Variants in HNF1A observed in about 807,000 individuals in gnomAD.
HNF1A encodes HNF1 homeobox A, also known as hepatocyte nuclear factor 1-alpha.
Under a neutral mutation model 62.2 loss-of-function variants are expected in HNF1A, and 21 were observed. The observed-to-expected ratio is 0.34, with a 90% CI of 0.24 to 0.49. The LOEUF (loss-of-function observed/expected upper bound fraction) is 0.49, where lower values mean the gene tolerates loss of function less well. Among genes scored for constraint, HNF1A ranks in the 20% least tolerant of loss-of-function variants. HNF1A has a pLI of 0.99. For synonymous variants in HNF1A, 374 were observed against 366.8 expected, an observed-to-expected ratio of 1.02 and a Z score of -0.22; for missense variants, 687 against 832.3, an observed-to-expected ratio of 0.83 and a Z score of 2.15.
At chr12:120,997,840 CTGTG>C (rs766980122) in intron 7 of HNF1A, 175 bp downstream of exon 7, 11 of 754,236 alleles carry the variant, frequency 1.5e-5, no homozygotes, top group African/African-American at 1.4e-4. Context: ...ATGCACGTAT[CTGTG>C]TGTGTGCACG....
At chr12:120,985,684 A>G (rs1428359940) in intron 1 of HNF1A, among the ~76,000 whole-genome samples, 1 of 151,736 alleles carries the variant, frequency 6.6e-6, no homozygotes, top group Non-Finnish European at 1.5e-5. Context: ...AGAAAAATAA[A>G]TAAATAAAAA....
chr12:120,983,399 A>G (rs1876347742), intron 1 of HNF1A, among the ~76,000 whole-genome samples: 1 of 152,162 alleles, frequency 6.6e-6, no homozygotes, highest in Non-Finnish European at 1.5e-5. Context: ...ACCCCACGTT[A>G]CAGGGCAGAT....
At position 121,001,232 on chromosome 12, in the gene HNF1A, G is replaced by T. The variant is rs78184916; in HGVS notation, c.*40G>T. 1.1e-5 allele frequency: 17 copies of T among 1,611,248 alleles called. No homozygotes were observed. In the East Asian group the frequency reaches 1.8e-4, roughly 17 times the overall value. On this transcript the variant is annotated 3_prime_UTR_variant, in exon 10 of 10. Coordinates refer to ENST00000257555, the MANE Select transcript of HNF1A (RefSeq NM_000545.8). ...CCCTGGGGCCTGTACTGCCTGCTTG[G>T]GGGGTGATGAGGGCAGCAGCCAGCC...
At chr12:120,986,166 G>C (rs774065080) in intron 1 of HNF1A, among the ~76,000 whole-genome samples, 1 of 152,040 alleles carries the variant, frequency 6.6e-6, no homozygotes, top group African/African-American at 2.4e-5. Flanking sequence ...TATTTTACAC[G>C]TGCACAAATA....
At chr12:120,990,342 C>CGCGTTAGCCAGG (rs56106428) in intron 2 of HNF1A, among the ~76,000 whole-genome samples, 1 of 152,064 alleles carries the variant, frequency 6.6e-6, no homozygotes, top group African/African-American at 2.4e-5. Context: ...GGGGTTTCAC[C>CGCGTTAGCCAGG]ATGGTCTCGA....
intron 1 of HNF1A, among the ~76,000 whole-genome samples, chr12:120,982,154 C>T (rs1198720619): frequency 3.3e-5 from 5 of 152,190 alleles, no homozygotes; most frequent in Non-Finnish European, 7.3e-5. Flanking sequence ...ACTGCAAGCT[C>T]TGCCTCCTGG....
rs1877313665 is a variant in HNF1A, at chr12:120,999,546, A to C, written c.1687A>C (p.Thr563Pro). 1 of 1,612,766 alleles carries C rather than the reference A, an allele frequency of 6.2e-7. No individual in the cohort carries two copies. ...GCTTCACACGCCGGCATCTCAGGCC[A>C]CCACCCTCCACGTCCCCAGCCAGGA... is the stretch of plus-strand genomic sequence containing the variant. ...SGLHTPASQATTLHVPSQDPA... is the reference protein window; with the variant it reads ...SGLHTPASQAPTLHVPSQDPA... The change falls in exon 9 of 10, where the codon ACC becomes CCC. Residue 563 changes from threonine (T) to proline (P), a missense_variant. Around this residue, in one of 5 missense-constraint regions of HNF1A, gnomAD observed 408 missense variants for 455.3 expected, o/e 0.90. Transcript: ENST00000257555.
At chr12:120,997,037 T>C (rs1877146139) in intron 6 of HNF1A, 1 of 1,454,086 alleles carries the variant, frequency 6.9e-7, no homozygotes, top group South Asian at 1.3e-5. Flanking sequence ...GGGGGACTGA[T>C]GTTTTCTAAG....
At chr12:120,992,573 A>G (rs1476391698) in intron 2 of HNF1A, among the ~76,000 whole-genome samples, 1 of 152,164 alleles carries the variant, frequency 6.6e-6, no homozygotes, top group Non-Finnish European at 1.5e-5. Flanking sequence ...GCCCAAATCC[A>G]AAGCATACAG....
intron 2 of HNF1A, among the ~76,000 whole-genome samples, chr12:120,992,526 T>C (rs55961602): frequency 0.041 from 6,308 of 152,292 alleles, 169 homozygotes; most frequent in South Asian, 0.085. Flanking sequence ...GTGTCTGCTA[T>C]AACAGAAACT....
intron 1 of HNF1A, among the ~76,000 whole-genome samples, chr12:120,983,150 C>T (rs575788468): frequency 2.0e-5 from 3 of 152,306 alleles, no homozygotes; most frequent in Non-Finnish European, 2.9e-5. Context: ...CTTGGACATC[C>T]GATTGACCCT....
intron 4 of HNF1A, among the ~76,000 whole-genome samples, chr12:120,995,514 C>T (rs1373807512): frequency 1.3e-5 from 2 of 152,034 alleles, no homozygotes; most frequent in Non-Finnish European, 2.9e-5. Context: ...TTCCACTCTA[C>T]TTCATCCACT....
intron 3 of HNF1A, 57 bp downstream of exon 3, chr12:120,993,763 G>A (rs920244434): frequency 1.3e-6 from 2 of 1,565,766 alleles, no homozygotes; most frequent in South Asian, 2.3e-5. Context: ...CAAGGCCAGG[G>A]AAGGGGAAGG....
At chr12:120,984,581 G>A (rs569590155) in intron 1 of HNF1A, among the ~76,000 whole-genome samples, 1 of 152,122 alleles carries the variant, frequency 6.6e-6, no homozygotes, top group South Asian at 2.1e-4. Flanking sequence ...CTGGCTCTAG[G>A]ATCAGATAAA....
At chr12:120,993,467 C>A in intron 2 of HNF1A, 53 bp from the exon 3 acceptor site, 1 of 1,562,796 alleles carries the variant, frequency 6.4e-7, no homozygotes, top group Admixed American at 1.7e-5. Flanking sequence ...GGGGAATGGA[C>A]GTGGGAAGGT....
intron 2 of HNF1A, among the ~76,000 whole-genome samples, chr12:120,991,201 A>T (rs907858563): frequency 1.3e-5 from 2 of 152,224 alleles, no homozygotes; most frequent in African/African-American, 4.8e-5. Context: ...AACACAGAGT[A>T]GCTGCTTTAA....
chr12:120,979,709 G>A (rs971100719), intron 1 of HNF1A: 7 of 151,664 alleles, frequency 4.6e-5, no homozygotes, highest in Non-Finnish European at 8.7e-5. Flanking sequence ...GAGGCTGCCC[G>A]TTCTACATCC....
In HNF1A at chr12:120,999,236, G is replaced by A. The variant is rs749063776; in HGVS notation, c.1502-32G>A. 3.1e-6 allele frequency: 5 copies of A among 1,613,432 alleles called. No individual in the cohort carries two copies. The Admixed American group carries it at 8.3e-5, about 27-fold the overall frequency. The stretch of plus-strand genomic sequence containing the variant: ...GGGACTAGGGCTGTCAGGCACGTCT[G>A]CCACGTCTGCCCCTCTCTCCCCTGC... On this transcript the variant is annotated intron_variant, in intron 7 of 9. Coordinates refer to ENST00000257555, the MANE Select transcript of HNF1A (RefSeq NM_000545.8).
Position 120,999,600 on chromosome 12 carries a change from G to GCCCACCGGCTCAGCGCCAGC in HNF1A, c.1747_1766dup (p.Val590GlyfsTer77). Reference sequence around the variant, plus strand: ...TGCCAGCATCCAGCACCTGCAGCCGGCCCACCGGCTCAGCGCCAGCCCCAC... The same window carrying GCCCACCGGCTCAGCGCCAGC: ...TGCCAGCATCCAGCACCTGCAGCCGGCCCACCGGCTCAGCGCCAGCCCCACCGGCTCAGCGCCAGCCCCAC... On this transcript the variant is annotated frameshift_variant, in exon 9 of 10. Coordinates refer to ENST00000257555, the MANE Select transcript of HNF1A (RefSeq NM_000545.8). LOFTEE classifies it high-confidence loss of function. 6.2e-7 allele frequency: 1 copy of GCCCACCGGCTCAGCGCCAGC among 1,611,604 alleles called. No individual in the cohort carries two copies. Among genetic ancestry groups the GCCCACCGGCTCAGCGCCAGC allele is most frequent in the Non-Finnish European group, 8.5e-7 (1 of 1,179,446 alleles).
Sources: allele counts gnomAD v4.1 joint callset (sites outside exome capture counted in the v4.1 genomes callset), GRCh38; gene constraint gnomAD v4.1.1; regional missense constraint gnomAD v4.1.1; transcripts MANE v1.5; gene names NCBI Gene and HGNC (gene_info 2026-07-23, HGNC 2026-07-21).